Variants in ZFYVE28 observed in about 807,000 individuals in gnomAD.
ZFYVE28 encodes the protein zinc finger FYVE-type containing 28.
ZFYVE28 carries 40 observed loss-of-function variants against 82.1 expected under a neutral mutation model. That is an observed-to-expected ratio of 0.49 (90% CI 0.38 to 0.63). The LOEUF (loss-of-function observed/expected upper bound fraction) is 0.63. ZFYVE28 is among the 30% of genes least tolerant of loss of function. The pLI is 0.00. For missense variants in ZFYVE28, 1,321 were observed against 1,242.1 expected (o/e 1.06, Z -0.96); for synonymous variants, 612 against 546.1 (o/e 1.12, Z -1.68).
intron 10 of ZFYVE28, 132 bp from the exon 11 acceptor site, chr4:2,271,911 T>A: frequency 1.3e-6 from 1 of 767,854 alleles, no homozygotes; most frequent in African/African-American, 1.7e-5. Flanking sequence ...GGCAGTCTCA[T>A]GGCAGGTGGC....
chr4:2,337,793 C>T (rs1722085777), intron 4 of ZFYVE28, among the ~76,000 whole-genome samples: 1 of 152,094 alleles, frequency 6.6e-6, no homozygotes, highest in Admixed American at 6.6e-5. Context: ...ATCACTTGTG[C>T]CCAGGAGTTG....
intron 1 of ZFYVE28, among the ~76,000 whole-genome samples, chr4:2,379,325 G>A (rs779639990): frequency 5.3e-5 from 8 of 152,216 alleles, no homozygotes; most frequent in Non-Finnish European, 1.0e-4. Context: ...GGGAGCAGGT[G>A]GGCAGTGCAA....
intron 8 of ZFYVE28, among the ~76,000 whole-genome samples, chr4:2,290,443 T>C (rs546504287): frequency 4.0e-4 from 61 of 152,324 alleles, no homozygotes; most frequent in African/African-American, 1.5e-3. Flanking sequence ...GACCCCTCCA[T>C]GATCCCGTAG....
chr4:2,367,950 C>T (rs1379249035), intron 1 of ZFYVE28, among the ~76,000 whole-genome samples: 3 of 152,288 alleles, frequency 2.0e-5, no homozygotes, highest in South Asian at 2.1e-4. Context: ...CGACTTGGTG[C>T]GTGCCAGTCG....
chr4:2,333,827 A>G (rs894294105), intron 6 of ZFYVE28, among the ~76,000 whole-genome samples: 3 of 152,262 alleles, frequency 2.0e-5, no homozygotes, highest in African/African-American at 7.2e-5. Flanking sequence ...TTTTTTAAAC[A>G]AAGAGAAGAA....
intron 6 of ZFYVE28, among the ~76,000 whole-genome samples, chr4:2,324,189 C>T (rs911115256): frequency 3.3e-5 from 5 of 152,156 alleles, no homozygotes; most frequent in African/African-American, 1.2e-4. Flanking sequence ...GACACGGCAG[C>T]TCCAATCCAA....
At position 2,320,052 on chromosome 4, in the gene ZFYVE28, C is replaced by T; in HGVS notation, c.803+118G>A. On this transcript the variant is annotated intron_variant, in intron 7 of 12. Coordinates refer to ENST00000290974, the MANE Select transcript of ZFYVE28 (RefSeq NM_020972.3). This position sits in a 1 kb window ranked among gnomAD's most constrained non-coding sequence, Gnocchi z 5.1. ...CCTCCCTAGGGAATATTAACCAGCC[C>T]ATCCTTCCTCACAGAGAGGAGGAGG... 5.3e-6 allele frequency: 5 copies of T among 939,270 alleles called. No homozygotes were observed. The highest frequency in any genetic ancestry group is 8.2e-6 in the Non-Finnish European group (5 of 608,652). The allele number at this position is 939,270 out of a possible 1,614,324, so 58.2% of individuals were successfully genotyped here. A position where few individuals can be genotyped will look rare whatever the true frequency, so the allele number is the denominator to read the frequency against.
chr4:2,270,968 G>T lies in ZFYVE28; in HGVS notation c.2533-112C>A, dbSNP rs1054745307. 5 of 1,463,290 alleles carry T rather than the reference G, an allele frequency of 3.4e-6. No homozygotes were observed. The African/African-American group carries it at 4.2e-5, about 12-fold the overall frequency. The allele number at this position is 1,463,290 out of a possible 1,614,324, so 90.6% of individuals were successfully genotyped here. A position where few individuals can be genotyped will look rare whatever the true frequency, so the allele number is the denominator to read the frequency against. On this transcript the variant is annotated intron_variant, in intron 12 of 12. Transcript: ENST00000290974. The stretch of plus-strand genomic sequence containing the variant: ...AGCTCAGGCCGCATTGGTGGGTGGG[G>T]ACTGCCCAGCCCCAGCTGCCAGGGG...
chr4:2,354,669 G>C (rs955983425), intron 1 of ZFYVE28, among the ~76,000 whole-genome samples: 3 of 151,982 alleles, frequency 2.0e-5, no homozygotes, highest in Non-Finnish European at 4.4e-5. Flanking sequence ...ATATTGGCCA[G>C]GCTAGTCTCG....
Position 2,320,183 on chromosome 4 carries a change from G to A in ZFYVE28, c.790C>T (p.Leu264=), listed in dbSNP as rs369275786. The change falls in exon 7 of 13, where the codon CTG becomes TTG. Residue 264 remains leucine, a synonymous_variant. Coordinates refer to ENST00000290974, the MANE Select transcript of ZFYVE28 (RefSeq NM_020972.3). The surrounding 1 kb of genome is among the most constrained non-coding windows in gnomAD (Gnocchi z 5.1). ...SELFRPFHTL[L]RKIRDLLQTL... is the part of the protein sequence containing the mutation. ...CTCCATCCCCACCTTATTTTCCGCA[G>A]CAACGTGTGGAAGGGCCGGAACAGC... The A allele has an allele frequency of 8.1e-6, 13 of 1,601,732 alleles. No homozygotes were observed. The African/African-American group carries it at 1.1e-4, about 13-fold the overall frequency.
chr4:2,415,352 C>G (rs1420048133), intron 1 of ZFYVE28, among the ~76,000 whole-genome samples: 1 of 152,072 alleles, frequency 6.6e-6, no homozygotes, highest in Non-Finnish European at 1.5e-5. Context: ...CACAGTGGCT[C>G]ACACCTGTAA....
chr4:2,270,794 C>G lies in ZFYVE28; in HGVS notation c.2595G>C (p.Pro865=). ...APLPRYGQVK[P]VRVCTHCYMF... is the part of the protein sequence containing the mutation. ...TGTAGCAGTGGGTGCACACTCGGAC[C>G]GGCTTCACCTGCCCGTAGCGGGGCA... Residue 865 remains proline, a synonymous_variant, in exon 13 of 13, where the codon CCG becomes CCC. Coordinates refer to ENST00000290974, the MANE Select transcript of ZFYVE28 (RefSeq NM_020972.3). 4 of 1,613,162 alleles carry G rather than the reference C, an allele frequency of 2.5e-6. No individual in the cohort carries two copies. Among genetic ancestry groups the G allele is most frequent in the Non-Finnish European group, 3.4e-6 (4 of 1,179,940 alleles).
intron 6 of ZFYVE28, chr4:2,329,024 A>T (rs1380856685): frequency 1.5e-6 from 1 of 674,528 alleles, no homozygotes; most frequent in African/African-American, 1.8e-5. Flanking sequence ...TTTGACTTGT[A>T]GTAAGTTTTG....
At chr4:2,296,078 C>T (rs775983611) in intron 8 of ZFYVE28, among the ~76,000 whole-genome samples, 1 of 152,152 alleles carries the variant, frequency 6.6e-6, no homozygotes, top group Non-Finnish European at 1.5e-5. Flanking sequence ...GGGGGACCTG[C>T]GGTAATGACC....
rs199601247 is a variant in ZFYVE28 at position 2,271,372 on chromosome 4, G to A, written c.2471C>T (p.Thr824Met). The change falls in exon 12 of 13, where the codon ACG (threonine) becomes ATG (methionine). Residue 824 changes from threonine to methionine, a missense_variant. By Grantham distance (81) the Thr-to-Met change is moderately conservative. Around this residue, in one of 2 missense-constraint regions of ZFYVE28, gnomAD observed 978 missense variants for 833.7 expected, o/e 1.17. Transcript: ENST00000290974. ...WVPDEACGFC[T>M]ACKAPFTVIR... ...GACGGTGAAGGGTGCTTTGCACGCCGTGCAGAAGCCACAGGCCTCGTCTGG... is the reference window on the plus strand; with the variant it reads ...GACGGTGAAGGGTGCTTTGCACGCCATGCAGAAGCCACAGGCCTCGTCTGG... 170 of 1,612,586 alleles carry A rather than the reference G, an allele frequency of 1.1e-4. No homozygotes were observed. The African/African-American group carries it at 1.5e-3, about 14-fold the overall frequency.
intron 1 of ZFYVE28, among the ~76,000 whole-genome samples, chr4:2,365,052 C>G (rs868835407): frequency 4.0e-5 from 6 of 151,704 alleles, no homozygotes; most frequent in South Asian, 4.2e-4. Flanking sequence ...GGGGGGCGGT[C>G]CAGGCTGAAG....
At chr4:2,401,860 C>G (rs1016800067) in intron 1 of ZFYVE28, among the ~76,000 whole-genome samples, 1 of 152,194 alleles carries the variant, frequency 6.6e-6, no homozygotes, top group African/African-American at 2.4e-5. Context: ...ACCTGGGCTG[C>G]GTCCTCTCCT....
intron 1 of ZFYVE28, among the ~76,000 whole-genome samples, chr4:2,374,347 C>T (rs1220180988): frequency 6.6e-6 from 1 of 152,206 alleles, no homozygotes; most frequent in Non-Finnish European, 1.5e-5. Flanking sequence ...CATGGTGGCT[C>T]ACACCTGTAA....
chr4:2,331,518 CA>C (rs904536190), intron 6 of ZFYVE28, among the ~76,000 whole-genome samples: 15 of 151,188 alleles, frequency 9.9e-5, no homozygotes, highest in Non-Finnish European at 1.9e-4. Flanking sequence ...AAGTTAAAAA[CA>C]AAAAAAAGAA....
Sources: allele counts gnomAD v4.1 joint callset (sites outside exome capture counted in the v4.1 genomes callset), GRCh38; gene constraint gnomAD v4.1.1; regional missense constraint gnomAD v4.1.1; non-coding constraint Gnocchi (gnomAD v3.1); transcripts MANE v1.5; gene names NCBI Gene and HGNC (gene_info 2026-07-23, HGNC 2026-07-21).